AKR1C3: variants seen among roughly 807,000 people sequenced by gnomAD.
AKR1C3 encodes 3-alpha hydroxysteroid dehydrogenase, type II.
AKR1C3 carries 48 observed loss-of-function variants against 43.6 expected under a neutral mutation model. That is an observed-to-expected ratio of 1.10 (90% CI 0.87 to 1.40). The LOEUF is 1.40. Ranked by LOEUF, AKR1C3 falls within the 40% of genes most tolerant of loss-of-function variation. AKR1C3 has a pLI of 0.00. For missense variants in AKR1C3, 482 were observed against 391.2 expected (o/e 1.23, Z -1.96); for synonymous variants, 162 against 139.6 (o/e 1.16, Z -1.13).
Position 5,102,802 on chromosome 10 carries a change from T to C in AKR1C3, c.846+152T>C, listed in dbSNP as rs973904867. 27 of 1,464,256 alleles carry C rather than the reference T, an allele frequency of 1.8e-5. No homozygotes were observed. In the African/African-American group the frequency reaches 3.0e-4, roughly 16 times the overall value. 90.7% of individuals were successfully genotyped at this position (1,464,256 alleles called of 1,614,324 possible). A position where few individuals can be genotyped will look rare whatever the true frequency, so the allele number is the denominator to read the frequency against. ...CGTGCATCCTGAGGGTTTCTTCTAC[T>C]CTACCACGGGAGAGGCAGCACAGGT... is the stretch of plus-strand genomic sequence containing the variant. On this transcript the variant is annotated intron_variant, in intron 7 of 8. Coordinates refer to ENST00000380554, the MANE Select transcript of AKR1C3 (RefSeq NM_003739.6).
intron 1 of AKR1C3, among the ~76,000 whole-genome samples, chr10:5,063,777 A>AAAAAAAAAAAAAG: frequency 6.9e-6 from 1 of 145,676 alleles, no homozygotes; most frequent in Non-Finnish European, 1.5e-5. Flanking sequence ...AAAAAAAAAA[A>AAAAAAAAAAAAAG]AAAAAAAAAA....
chr10:5,101,013 C>G (rs1468372554), intron 5 of AKR1C3, among the ~76,000 whole-genome samples: 3 of 152,148 alleles, frequency 2.0e-5, no homozygotes, highest in Non-Finnish European at 4.4e-5. Flanking sequence ...GAAATGAAGA[C>G]ATTCTTCCAG....
upstream of AKR1C3, among the ~76,000 whole-genome samples, chr10:5,092,234 G>A (rs185858435): frequency 6.6e-6 from 1 of 152,034 alleles, no homozygotes; most frequent in Admixed American, 6.6e-5. Context: ...TTTGTTGTTG[G>A]CTTTTAGAGT....
upstream of AKR1C3, among the ~76,000 whole-genome samples, chr10:5,092,048 A>T (rs528355171): frequency 1.2e-3 from 170 of 145,434 alleles, 1 homozygote; most frequent in African/African-American, 3.7e-3. Flanking sequence ...TTAAAAAAAA[A>T]TTTTTGCCAA....
intron 1 of AKR1C3, among the ~76,000 whole-genome samples, chr10:5,079,681 G>A (rs1838791249): frequency 6.6e-6 from 1 of 152,020 alleles, no homozygotes; most frequent in South Asian, 2.1e-4. Flanking sequence ...GGCTCACCAA[G>A]CATACCTCTC....
At chr10:5,049,651 C>T (rs1838112318) in intron 1 of AKR1C3, among the ~76,000 whole-genome samples, 1 of 152,034 alleles carries the variant, frequency 6.6e-6, no homozygotes, top group Admixed American at 6.5e-5. Flanking sequence ...ACTTGTATTC[C>T]AAGACTGTCC....
At chr10:5,087,476 G>A (rs560211504) in intron 1 of AKR1C3, among the ~76,000 whole-genome samples, 3 of 150,686 alleles carry the variant, frequency 2.0e-5, no homozygotes, top group Non-Finnish European at 4.4e-5. Flanking sequence ...AGGTTCAAGC[G>A]ATTCTTCTGC....
intron 1 of AKR1C3, among the ~76,000 whole-genome samples, chr10:5,083,787 G>T (rs1268651130): frequency 6.6e-6 from 1 of 152,126 alleles, no homozygotes; most frequent in East Asian, 1.9e-4. Context: ...GTGTGAGATG[G>T]TATCTCATTG....
At chr10:5,099,556 A>G in intron 5 of AKR1C3, 107 bp downstream of exon 5, 6 of 1,555,356 alleles carry the variant, frequency 3.9e-6, no homozygotes, top group East Asian at 2.3e-5. Flanking sequence ...GAAGTAGAAG[A>G]TTATCTAGAG....
At chr10:5,053,563 G>A (rs548661413) in intron 1 of AKR1C3, among the ~76,000 whole-genome samples, 1 of 152,380 alleles carries the variant, frequency 6.6e-6, no homozygotes, top group South Asian at 2.1e-4. Context: ...GCAGCAGTAG[G>A]CTGGAGGGCT....
upstream of AKR1C3, among the ~76,000 whole-genome samples, chr10:5,090,038 A>G (rs1358683467): frequency 6.6e-6 from 1 of 152,136 alleles, no homozygotes; most frequent in Non-Finnish European, 1.5e-5. Flanking sequence ...GCGCAGTTCA[A>G]TTCACAGGCC....
At chr10:5,103,856 A>G (rs923833221) in intron 7 of AKR1C3, among the ~76,000 whole-genome samples, 3 of 152,208 alleles carry the variant, frequency 2.0e-5, no homozygotes, top group Non-Finnish European at 2.9e-5. Flanking sequence ...AAGTGGATAC[A>G]GGGACATGTG....
upstream of AKR1C3, among the ~76,000 whole-genome samples, chr10:5,089,679 G>A (rs1345789124): frequency 6.6e-6 from 1 of 151,842 alleles, no homozygotes; most frequent in Non-Finnish European, 1.5e-5. Context: ...GACCTTCTCT[G>A]GATCTTATTG....
chr10:5,106,786 G>A (rs1156932767), intron 8 of AKR1C3, among the ~76,000 whole-genome samples: 1 of 151,394 alleles, frequency 6.6e-6, no homozygotes, highest in Admixed American at 6.6e-5. Context: ...TGTAACTGCT[G>A]GCAGTGGAAA....
chr10:5,075,798 C>T lies in AKR1C3; in HGVS notation c.85-20612C>T, dbSNP rs568557373. On this transcript the variant is annotated intron_variant, in intron 1 of 8. Coordinates refer to the AKR1C3 transcript ENST00000439082. ...CTGAGGCAGGAGAATCACTTGAACC[C>T]GGGAGGCAGAGGTTGCAGTGAGCCA... 3.0e-4 allele frequency among the ~76,000 whole-genome samples: 45 copies of T among 151,938 alleles called. No individual in the cohort carries two copies. The South Asian group carries it at 5.2e-3, about 18-fold the overall frequency.
At position 5,107,564 on chromosome 10, in the gene AKR1C3, C is replaced by A. The variant is rs374107060; in HGVS notation, c.*61C>A. 6.7e-6 allele frequency: 9 copies of A among 1,346,416 alleles called. No individual in the cohort carries two copies. Among genetic ancestry groups the A allele is most frequent in the Non-Finnish European group, 9.5e-6 (9 of 944,594 alleles). 83.4% of individuals were successfully genotyped at this position (1,346,416 alleles called of 1,614,324 possible). A position where few individuals can be genotyped will look rare whatever the true frequency, so the allele number is the denominator to read the frequency against. ...TGTGTGTGGATGGTGACGCAGAGGACGTCTCTATGCCGGTGACTGGACATA... is the reference window on the plus strand; with the variant it reads ...TGTGTGTGGATGGTGACGCAGAGGAAGTCTCTATGCCGGTGACTGGACATA... On this transcript the variant is annotated 3_prime_UTR_variant, in exon 9 of 9. Transcript: ENST00000380554.
chr10:5,098,743 A>T, intron 3 of AKR1C3, 59 bp from the exon 4 acceptor site: 1 of 1,409,618 alleles, frequency 7.1e-7, no homozygotes, highest in Non-Finnish European at 1.0e-6. Context: ...ACCTGGGGTT[A>T]CAGCTATGAG....
chr10:5,102,693 C>G (rs1554786317), intron 7 of AKR1C3, 43 bp downstream of exon 7: 3 of 1,448,166 alleles, frequency 2.1e-6, no homozygotes, highest in Admixed American at 2.8e-5. Context: ...TGCACAGTGT[C>G]CTTCACACGT....
chr10:5,096,517 C>T lies in AKR1C3; in HGVS notation c.192C>T (p.Ala64=), dbSNP rs140618199. Residue 64 remains alanine, a synonymous_variant, in exon 2 of 9, where the codon GCC becomes GCT. Coordinates refer to ENST00000380554, the MANE Select transcript of AKR1C3 (RefSeq NM_003739.6). ...LYNNEEQVGL[A]IRSKIADGSV... is the part of the protein sequence containing the mutation. ...ATAATGAGGAGCAGGTTGGACTGGC[C>T]ATCCGAAGCAAGATTGCAGATGGCA... The T allele has an allele frequency of 1.1e-5, 17 of 1,613,642 alleles. No homozygotes were observed. Among genetic ancestry groups the T allele is most frequent in the Non-Finnish European group, 1.4e-5 (17 of 1,179,804 alleles).
Sources: allele counts gnomAD v4.1 joint callset (sites outside exome capture counted in the v4.1 genomes callset), GRCh38; gene constraint gnomAD v4.1.1; transcripts MANE v1.5; gene names NCBI Gene and HGNC (gene_info 2026-07-23, HGNC 2026-07-21).